Variants in BARX2 observed in about 807,000 individuals in gnomAD.
The protein encoded by BARX2 is BARX homeobox 2, also known as homeobox protein BarH-like 2.
BARX2 carries 11 observed loss-of-function variants against 25.5 expected under a neutral mutation model. The ratio of observed to expected loss-of-function variants is 0.43; its 90% CI spans 0.27 to 0.71. The LOEUF (loss-of-function observed/expected upper bound fraction) is 0.71. Among genes scored for constraint, BARX2 ranks in the 30% least tolerant of loss-of-function variants. BARX2 has a pLI of 0.19. For synonymous variants in BARX2, 137 were observed against 149.5 expected (o/e 0.92, Z 0.61); for missense variants, 360 against 359.9 (o/e 1.00, Z 0.00).
At chr11:129,443,267 G>A (rs1862285323) in intron 3 of BARX2, among the ~76,000 whole-genome samples, 1 of 152,174 alleles carries the variant, frequency 6.6e-6, no homozygotes. Flanking sequence ...GTGGTTTGCT[G>A]CACCCATCAA....
intron 1 of BARX2, among the ~76,000 whole-genome samples, chr11:129,383,514 A>G (rs1861588591): frequency 6.6e-6 from 1 of 152,188 alleles, no homozygotes; most frequent in Admixed American, 6.5e-5. Flanking sequence ...TTGAAATTGA[A>G]TACAGAGGGA....
At chr11:129,405,554 G>A (rs181928290) in intron 1 of BARX2, among the ~76,000 whole-genome samples, 1 of 151,964 alleles carries the variant, frequency 6.6e-6, no homozygotes, top group Non-Finnish European at 1.5e-5. Flanking sequence ...CACTAGTATT[G>A]TGGCAGTTCC....
chr11:129,426,302 G>A (rs1172167428), intron 1 of BARX2, among the ~76,000 whole-genome samples: 1 of 151,892 alleles, frequency 6.6e-6, no homozygotes, highest in Admixed American at 6.6e-5. Context: ...CCAACACTCA[G>A]CTCGCTCTCA....
At chr11:129,391,645 A>G (rs1182396306) in intron 1 of BARX2, among the ~76,000 whole-genome samples, 1 of 152,152 alleles carries the variant, frequency 6.6e-6, no homozygotes, top group African/African-American at 2.4e-5. Flanking sequence ...TTTAGTGGGG[A>G]ATTTTGCAAG....
rs538778880 is a variant in BARX2, at chr11:129,451,804, G to A, written c.*402G>A. 6.0e-6 allele frequency: 1 copy of A among 167,492 alleles called. No homozygotes were observed. Among genetic ancestry groups the A allele is most frequent in the South Asian group, 2.0e-4 (1 of 5,128 alleles). The allele number at this position is 167,492 out of a possible 1,614,324, so 10.4% of individuals were successfully genotyped here. A position where few individuals can be genotyped will look rare whatever the true frequency, so the allele number is the denominator to read the frequency against. On this transcript the variant is annotated 3_prime_UTR_variant, in exon 4 of 4. Transcript: ENST00000281437. ...TCAAAGCAGAGAGACGTGGCGGCAT[G>A]TGGGCAGCATGCCCAGGTTCCTTGC...
At chr11:129,387,522 T>G (rs1861627573) in intron 1 of BARX2, among the ~76,000 whole-genome samples, 1 of 152,238 alleles carries the variant, frequency 6.6e-6, no homozygotes, top group African/African-American at 2.4e-5. Context: ...TTTCCATGAC[T>G]AAACATTTTA....
chr11:129,419,780 TA>T (rs1861983640), intron 1 of BARX2, among the ~76,000 whole-genome samples: 1 of 151,862 alleles, frequency 6.6e-6, no homozygotes, highest in Non-Finnish European at 1.5e-5. Flanking sequence ...GCAATATTAT[TA>T]TTATTATTCT....
In BARX2 at chr11:129,390,038, C is replaced by T. The variant is rs148758918; in HGVS notation, c.187+13816C>T. On this transcript the variant is annotated intron_variant, in intron 1 of 3. Coordinates refer to ENST00000281437, the MANE Select transcript of BARX2 (RefSeq NM_003658.5). The surrounding 1 kb of genome is among the most constrained non-coding windows in gnomAD (Gnocchi z 4.3). ...TGGATTTTTTTGGGATTGTGTTTCTCAGCTGGTCACTAGTGTCTTATGAAG... is the reference window on the plus strand; with the variant it reads ...TGGATTTTTTTGGGATTGTGTTTCTTAGCTGGTCACTAGTGTCTTATGAAG... 2.2e-4 allele frequency among the ~76,000 whole-genome samples: 33 copies of T among 152,302 alleles called. No individual in the cohort carries two copies. The highest frequency in any genetic ancestry group is 7.5e-4 in the African/African-American group (31 of 41,566).
rs1861658561 is a variant in BARX2, at chr11:129,390,793, T to G, written c.187+14571T>G. 6.6e-6 allele frequency among the ~76,000 whole-genome samples: 1 copy of G among 152,198 alleles called. No individual in the cohort carries two copies. Among genetic ancestry groups the G allele is most frequent in the African/African-American group, 2.4e-5 (1 of 41,450 alleles). On this transcript the variant is annotated intron_variant, in intron 1 of 3. Coordinates refer to ENST00000281437, the MANE Select transcript of BARX2 (RefSeq NM_003658.5). The surrounding 1 kb of genome is among the most constrained non-coding windows in gnomAD (Gnocchi z 4.3). ...GCCAGCCACACAGGTAGCCCAATCA[T>G]CATATGTATTAATGGTGCATTCAAA...
intron 1 of BARX2, among the ~76,000 whole-genome samples, chr11:129,385,299 T>C (rs1013923426): frequency 6.6e-6 from 1 of 152,216 alleles, no homozygotes; most frequent in African/African-American, 2.4e-5. Flanking sequence ...CTCCTGGGTA[T>C]GTGCCTGGAG....
Position 129,451,054 on chromosome 11 carries a change from C to T in BARX2, c.574-82C>T, listed in dbSNP as rs564934481. 5 of 1,511,290 alleles carry T rather than the reference C, an allele frequency of 3.3e-6. No homozygotes were observed. The African/African-American group carries it at 5.5e-5, about 17-fold the overall frequency. The allele number at this position is 1,511,290 out of a possible 1,614,324, so 93.6% of individuals were successfully genotyped here. A position where few individuals can be genotyped will look rare whatever the true frequency, so the allele number is the denominator to read the frequency against. On this transcript the variant is annotated intron_variant, in intron 3 of 3. Coordinates refer to ENST00000281437, the MANE Select transcript of BARX2 (RefSeq NM_003658.5). ...ACTGCTGGAACAGATGGTTTAGATG[C>T]AACGTGAGGTTATACTGGGAGTGGA...
At chr11:129,405,554 G>C (rs181928290) in intron 1 of BARX2, among the ~76,000 whole-genome samples, 140 of 152,080 alleles carry the variant, frequency 9.2e-4, no homozygotes, top group African/African-American at 3.3e-3. Flanking sequence ...CACTAGTATT[G>C]TGGCAGTTCC....
rs898243304 is a variant in BARX2, at chr11:129,376,403, G to A, written c.187+181G>A. On this transcript the variant is annotated intron_variant, in intron 1 of 3. Transcript: ENST00000281437. This position sits in a 1 kb window ranked among gnomAD's most constrained non-coding sequence, Gnocchi z 4.2. ...ACGTGGCCGGGAAGGACCACGCAAG[G>A]TGTGGATGGCACGAGTGGAAATAAA... is the stretch of plus-strand genomic sequence containing the variant. 6.6e-6 allele frequency among the ~76,000 whole-genome samples: 1 copy of A among 152,232 alleles called. No homozygotes were observed. Among genetic ancestry groups the A allele is most frequent in the Non-Finnish European group, 1.5e-5 (1 of 68,048 alleles).
intron 3 of BARX2, among the ~76,000 whole-genome samples, chr11:129,447,149 ACT>A (rs1206817675): frequency 2.6e-5 from 4 of 152,094 alleles, no homozygotes; most frequent in Non-Finnish European, 4.4e-5. Context: ...ATACTGACAA[ACT>A]CTGTCAGCTC....
At chr11:129,406,080 A>G (rs538214100) in intron 1 of BARX2, among the ~76,000 whole-genome samples, 2 of 152,358 alleles carry the variant, frequency 1.3e-5, no homozygotes, top group South Asian at 4.1e-4. Flanking sequence ...TACTGAGCAT[A>G]GCACAGTGCC....
In BARX2 at chr11:129,390,887, G is replaced by T. The variant is rs529887100; in HGVS notation, c.187+14665G>T. 6.6e-6 allele frequency among the ~76,000 whole-genome samples: 1 copy of T among 152,320 alleles called. No homozygotes were observed. The highest frequency in any genetic ancestry group is 2.4e-5 in the African/African-American group (1 of 41,580). On this transcript the variant is annotated intron_variant, in intron 1 of 3. Transcript: ENST00000281437. This position sits in a 1 kb window ranked among gnomAD's most constrained non-coding sequence, Gnocchi z 4.3. ...ATAATACAATAATGGTATTCATGCA[G>T]TGGCGCACAGAAAATTGTGTGTACT... is the stretch of plus-strand genomic sequence containing the variant.
intron 1 of BARX2, among the ~76,000 whole-genome samples, chr11:129,378,411 C>G (rs1591423156): frequency 6.6e-6 from 1 of 152,114 alleles, no homozygotes; most frequent in Non-Finnish European, 1.5e-5. Flanking sequence ...AAATACCATA[C>G]TTTCAAAGCA....
At chr11:129,396,201 T>C (rs1861719335) in intron 1 of BARX2, among the ~76,000 whole-genome samples, 1 of 152,186 alleles carries the variant, frequency 6.6e-6, no homozygotes, top group Non-Finnish European at 1.5e-5. Flanking sequence ...ATTTTTGCAC[T>C]TAGTAGATGG....
intron 1 of BARX2, among the ~76,000 whole-genome samples, chr11:129,407,266 A>G (rs1861840416): frequency 6.6e-6 from 1 of 152,214 alleles, no homozygotes; most frequent in African/African-American, 2.4e-5. Context: ...TCTTCATGTA[A>G]CACATTTGAG....
Sources: allele counts gnomAD v4.1 joint callset (sites outside exome capture counted in the v4.1 genomes callset), GRCh38; gene constraint gnomAD v4.1.1; non-coding constraint Gnocchi (gnomAD v3.1); transcripts MANE v1.5; gene names NCBI Gene and HGNC (gene_info 2026-07-23, HGNC 2026-07-21).